COL11A1: variants seen among roughly 807,000 people sequenced by gnomAD.
COL11A1 encodes the protein collagen alpha-1(XI) chain.
A neutral mutation model predicts 265.2 loss-of-function variants in COL11A1; 74 were observed. The observed-to-expected ratio is 0.28, with a 90% confidence interval of 0.23 to 0.34. The LOEUF (loss-of-function observed/expected upper bound fraction) is 0.34. Ranked by LOEUF, COL11A1 falls within the 10% of genes least tolerant of loss-of-function variation. The pLI, the probability that COL11A1 is intolerant of heterozygous loss-of-function variation, is 1.00. For missense variants in COL11A1, 2,165 were observed against 2,263.6 expected (o/e 0.96, Z 0.88); for synonymous variants, 816 against 727.6 (o/e 1.12, Z -1.96).
At chr1:103,072,523 G>A (rs956196196) in intron 4 of COL11A1, among the ~76,000 whole-genome samples, 2 of 151,530 alleles carry the variant, frequency 1.3e-5, no homozygotes, top group African/African-American at 2.4e-5. Flanking sequence ...AATTCTATGT[G>A]TTTACTTGCA....
chr1:102,962,139 G>A (rs776462785), intron 40 of COL11A1, 37 bp downstream of exon 40: 1 of 1,502,600 alleles, frequency 6.7e-7, no homozygotes, highest in East Asian at 2.3e-5. Flanking sequence ...TAAACAATTG[G>A]AATCACTTGC....
chr1:102,888,654 A>C (rs1370667721), intron 61 of COL11A1, 24 bp from the exon 62 acceptor site: 2 of 1,613,788 alleles, frequency 1.2e-6, no homozygotes, highest in Non-Finnish European at 1.7e-6. Flanking sequence ...GAGAGAGGAC[A>C]TAAATAAAGA....
intron 4 of COL11A1, among the ~76,000 whole-genome samples, chr1:103,055,222 T>C (rs1400927134): frequency 2.6e-5 from 4 of 152,210 alleles, no homozygotes; most frequent in African/African-American, 9.6e-5. Flanking sequence ...ATAATCTTTT[T>C]CATTCAACCA....
intron 1 of COL11A1, among the ~76,000 whole-genome samples, chr1:103,099,468 T>G (rs1334167127): frequency 1.5e-5 from 2 of 135,196 alleles, no homozygotes; most frequent in Non-Finnish European, 3.3e-5. Context: ...TATATATGGA[T>G]ATATATATAT....
chr1:102,893,668 G>T (rs1652042364), intron 57 of COL11A1, among the ~76,000 whole-genome samples: 1 of 152,058 alleles, frequency 6.6e-6, no homozygotes, highest in African/African-American at 2.4e-5. Context: ...ATTTTCCCCT[G>T]CAGTATTATA....
rs762050374 is a variant in COL11A1, at chr1:103,082,796, T to A, written c.274+9A>T. ...AATAATAACAATAATAATAATAAAG[T>A]GAATATACCTGGAAATAACTGTTTT... On this transcript the variant is annotated intron_variant, in intron 2 of 66. Coordinates refer to ENST00000370096, the MANE Select transcript of COL11A1 (RefSeq NM_001854.4). 1.7e-5 allele frequency: 27 copies of A among 1,606,924 alleles called. No individual in the cohort carries two copies. Among genetic ancestry groups the A allele is most frequent in the Non-Finnish European group, 2.1e-5 (25 of 1,174,872 alleles).
Position 103,108,381 on chromosome 1 carries a change from T to TGGCCCCACCGGCCG in COL11A1, c.-217_-204dup. The TGGCCCCACCGGCCG allele has an allele frequency of 1.6e-6, 1 of 629,930 alleles. No homozygotes were observed. Among genetic ancestry groups the TGGCCCCACCGGCCG allele is most frequent in the Non-Finnish European group, 2.9e-6 (1 of 350,170 alleles). 39.0% of individuals were successfully genotyped at this position (629,930 alleles called of 1,614,324 possible). On this transcript the variant is annotated 5_prime_UTR_variant, in exon 1 of 67. Coordinates refer to ENST00000370096, the MANE Select transcript of COL11A1 (RefSeq NM_001854.4). The stretch of plus-strand genomic sequence containing the variant: ...CTAGCCCTTTCCTCTCCCTCTGAGT[T>TGGCCCCACCGGCCG]GGCCCCACCGGCCGGGACCCTCCGG...
chr1:102,995,284 C>A (rs1332516098), intron 28 of COL11A1, among the ~76,000 whole-genome samples: 1 of 151,918 alleles, frequency 6.6e-6, no homozygotes, highest in East Asian at 1.9e-4. Context: ...CCTATAAATG[C>A]CCTATAAAAG....
chr1:102,916,405 T>C (rs1056064433), intron 49 of COL11A1, among the ~76,000 whole-genome samples: 1 of 152,092 alleles, frequency 6.6e-6, no homozygotes, highest in Non-Finnish European at 1.5e-5. Context: ...TAACATCTTG[T>C]TCAAGTAATC....
At chr1:103,021,677 C>T (rs754638275) in intron 9 of COL11A1, 30 bp downstream of exon 9, 3 of 1,510,804 alleles carry the variant, frequency 2.0e-6, no homozygotes, top group Non-Finnish European at 2.8e-6. Flanking sequence ...ATTTTACCAA[C>T]CTTTAAAGTG....
At chr1:103,073,584 G>C (rs1474641856) in intron 4 of COL11A1, among the ~76,000 whole-genome samples, 3 of 151,604 alleles carry the variant, frequency 2.0e-5, no homozygotes, top group Non-Finnish European at 4.4e-5. Context: ...AGAATTAAAG[G>C]CTTTGGTACA....
chr1:102,890,696 C>A (rs945125204), intron 57 of COL11A1, among the ~76,000 whole-genome samples, 192 bp from the exon 58 acceptor site: 4 of 151,776 alleles, frequency 2.6e-5, no homozygotes, highest in Non-Finnish European at 4.4e-5. Flanking sequence ...AATTTGTAAC[C>A]ATAATATTGA....
intron 46 of COL11A1, among the ~76,000 whole-genome samples, chr1:102,932,301 C>G (rs1289680160): frequency 6.6e-6 from 1 of 152,064 alleles, no homozygotes; most frequent in Non-Finnish European, 1.5e-5. Flanking sequence ...GTGACAAAAT[C>G]TCTCAGCATT....
At chr1:102,970,393 C>A (rs1266757830) in intron 36 of COL11A1, 121 bp from the exon 37 acceptor site, 6 of 701,266 alleles carry the variant, frequency 8.6e-6, no homozygotes, top group South Asian at 2.0e-5. Flanking sequence ...TTACTTTGCT[C>A]TTCTGTTGAT....
Position 103,025,658 on chromosome 1 carries a change from C to A in COL11A1, c.898-45G>T, listed in dbSNP as rs369287706. The A allele has an allele frequency of 2.1e-5, 33 of 1,580,900 alleles. No individual in the cohort carries two copies. The African/African-American group carries it at 4.2e-4, about 20-fold the overall frequency. ...AGAATTAGTAAACATGTAAGGTGAT[C>A]CCAAATGTATGGAAATCATGATTTA... is the stretch of plus-strand genomic sequence containing the variant. On this transcript the variant is annotated intron_variant, in intron 6 of 66. Coordinates refer to ENST00000370096, the MANE Select transcript of COL11A1 (RefSeq NM_001854.4).
intron 46 of COL11A1, among the ~76,000 whole-genome samples, chr1:102,929,166 C>G (rs1350873851): frequency 7.7e-6 from 1 of 130,530 alleles, no homozygotes; most frequent in Admixed American, 8.3e-5. Flanking sequence ...AGTCCTTGCC[C>G]ATGCCTATGT....
In COL11A1 at chr1:103,015,673, A is replaced by G; in HGVS notation, c.1483T>C (p.Leu495=). ...TAACATAAAAAAGAACATACCGGTA[A>G]CATCAACATAGTACCAGGAGGACCA... The part of the protein sequence containing the change: ...LPGPPGTMLM[L]PFRYGGDGSK... Residue 495 remains leucine, a synonymous_variant, in exon 12 of 67, where the codon TTA becomes CTA. Coordinates refer to ENST00000370096, the MANE Select transcript of COL11A1 (RefSeq NM_001854.4). The G allele has an allele frequency of 1.2e-6, 2 of 1,604,812 alleles. No homozygotes were observed. Among genetic ancestry groups the G allele is most frequent in the South Asian group, 2.2e-5 (2 of 90,178 alleles).
intron 4 of COL11A1, among the ~76,000 whole-genome samples, chr1:103,073,326 ATAATT>A (rs2102274409): frequency 6.6e-6 from 1 of 152,014 alleles, no homozygotes; most frequent in South Asian, 2.1e-4. Context: ...AAAATAAATT[ATAATT>A]TATTCATAAT....
chr1:103,092,259 T>C (rs1673383696), intron 1 of COL11A1, among the ~76,000 whole-genome samples: 1 of 152,114 alleles, frequency 6.6e-6, no homozygotes, highest in Admixed American at 6.6e-5. Flanking sequence ...AATACATAAA[T>C]TTAAAACACA....
Sources: allele counts gnomAD v4.1 joint callset (sites outside exome capture counted in the v4.1 genomes callset), GRCh38; gene constraint gnomAD v4.1.1; transcripts MANE v1.5; gene names NCBI Gene and HGNC (gene_info 2026-07-23, HGNC 2026-07-21).